The following ENTPD1 variants were observed in gnomAD, a reference collection of about 807,000 sequenced individuals.
The protein encoded by ENTPD1 is ectonucleoside triphosphate diphosphohydrolase 1.
Under a neutral mutation model 57.0 loss-of-function variants are expected in ENTPD1, and 33 were observed. That is an observed-to-expected ratio of 0.58 (90% CI 0.44 to 0.77). ENTPD1 has a LOEUF of 0.77. ENTPD1 is among the 30% of genes least tolerant of loss of function. The pLI is 0.00. For missense variants in ENTPD1, 501 were observed against 603.4 expected, an observed-to-expected ratio of 0.83 and a Z score of 1.78; for synonymous variants, 202 against 218.8, an observed-to-expected ratio of 0.92 and a Z score of 0.68.
intron 2 of ENTPD1, among the ~76,000 whole-genome samples, chr10:95,826,185 T>A (rs558387858): frequency 7.9e-5 from 12 of 151,954 alleles, no homozygotes; most frequent in Non-Finnish European, 1.6e-4. Context: ...CAAATGAAAG[T>A]TTTGGGGCCA....
rs72813799 is a variant in ENTPD1 at position 95,799,429 on chromosome 10, G to A, written c.17-23808G>A. On this transcript the variant is annotated intron_variant, in intron 1 of 9. Coordinates refer to ENST00000371205, the MANE Select transcript of ENTPD1 (RefSeq NM_001776.6). ...TTTGTTCCTGCATTAATTTACTAAG[G>A]ATAATGGCCTCCAGCTCCATGCCTG... Among the ~76,000 whole-genome samples, 12 of 152,226 alleles carry A rather than the reference G, an allele frequency of 7.9e-5. No individual in the cohort carries two copies. In the South Asian group the frequency reaches 1.7e-3, roughly 21 times the overall value.
Position 95,746,529 on chromosome 10 carries a change from G to A in ENTPD1, c.37+34536G>A, listed in dbSNP as rs961245439. Among the ~76,000 whole-genome samples the A allele has an allele frequency of 3.3e-5, 5 of 152,128 alleles. No individual in the cohort carries two copies. In the South Asian group the frequency reaches 8.3e-4, roughly 25 times the overall value. ...ATTCCAATCTCTGAGGGTTGGGATG[G>A]GCATTAGTATTTTTTATAATTGGGC... On this transcript the variant is annotated intron_variant, in intron 1 of 9. Coordinates refer to the ENTPD1 transcript ENST00000453258.
At position 95,867,495 on chromosome 10, in the gene ENTPD1, A is replaced by C; in HGVS notation, c.*1112A>C. 1 of 985,508 alleles carries C rather than the reference A, an allele frequency of 1.0e-6. No homozygotes were observed. The highest frequency in any genetic ancestry group is 1.2e-6 in the Non-Finnish European group (1 of 829,938). The allele number at this position is 985,508 out of a possible 1,614,324, so 61.0% of individuals were successfully genotyped here. A position where few individuals can be genotyped will look rare whatever the true frequency, so the allele number is the denominator to read the frequency against. On this transcript the variant is annotated 3_prime_UTR_variant, in exon 10 of 10. Transcript: ENST00000371205. ...TATTTTTCCAAGGTTTAATTTAGTG[A>C]GAGGGCAGCATTAGTGTGGAGTGGC...
upstream of ENTPD1, chr10:95,755,240 C>T (rs1320339377): frequency 6.3e-6 from 1 of 159,770 alleles, no homozygotes; most frequent in Non-Finnish European, 1.4e-5. Flanking sequence ...CTTAACCTCT[C>T]CACATCTCTA....
At chr10:95,711,282 A>T (rs902325960), upstream of ENTPD1, among the ~76,000 whole-genome samples, 2 of 152,200 alleles carry the variant, frequency 1.3e-5, no homozygotes, top group African/African-American at 4.8e-5. Context: ...AGACTGTTGA[A>T]TCCCATTGCA....
In ENTPD1 at chr10:95,847,646, C is replaced by T; in HGVS notation, c.1014C>T (p.Cys338=). Residue 338 remains cysteine (C), a synonymous_variant, in exon 7 of 10, where the codon TGC becomes TGT. Coordinates refer to ENST00000371205, the MANE Select transcript of ENTPD1 (RefSeq NM_001776.6). ...SILELFNTSY[C]PYSQCAFNGI... ...TGGAGCTCTTCAACACCAGTTACTG[C>T]CCTTACTCCCAGTGTGCCTTCAATG... 6.2e-7 allele frequency: 1 copy of T among 1,614,202 alleles called. No homozygotes were observed. Among genetic ancestry groups the T allele is most frequent in the Non-Finnish European group, 8.5e-7 (1 of 1,180,032 alleles).
chr10:95,763,326 C>A (rs2098074631), intron 1 of ENTPD1, among the ~76,000 whole-genome samples: 1 of 152,074 alleles, frequency 6.6e-6, no homozygotes, highest in African/African-American at 2.4e-5. Flanking sequence ...CATTTTTATT[C>A]TCTGTAGCCC....
intron 2 of ENTPD1, among the ~76,000 whole-genome samples, chr10:95,832,669 C>A (rs1432157427): frequency 4.6e-5 from 7 of 152,196 alleles, no homozygotes; most frequent in African/African-American, 2.4e-5. Flanking sequence ...AACGCTGCCT[C>A]TTCTGTGAAT....
chr10:95,726,752 A>T (rs962856177), intron 1 of ENTPD1, among the ~76,000 whole-genome samples: 9 of 152,050 alleles, frequency 5.9e-5, no homozygotes, highest in Admixed American at 3.9e-4. Flanking sequence ...GTTTTGGTGC[A>T]TTTTGGGGGG....
At chr10:95,764,541 C>T (rs1351675544) in intron 1 of ENTPD1, among the ~76,000 whole-genome samples, 4 of 152,086 alleles carry the variant, frequency 2.6e-5, no homozygotes, top group African/African-American at 7.2e-5. Flanking sequence ...CACATCCTTG[C>T]CAACACTTTT....
intron 1 of ENTPD1, among the ~76,000 whole-genome samples, chr10:95,727,949 T>A (rs1278220520): frequency 6.6e-6 from 1 of 152,194 alleles, no homozygotes; most frequent in Non-Finnish European, 1.5e-5. Context: ...ATTATCTAAG[T>A]TTATTATTAA....
At position 95,868,827 on chromosome 10, in the gene ENTPD1, T is replaced by G. The variant is rs986577206; in HGVS notation, c.*2444T>G. The G allele has an allele frequency of 5.1e-6, 5 of 985,346 alleles. No individual in the cohort carries two copies. Among genetic ancestry groups the G allele is most frequent in the Non-Finnish European group, 6.0e-6 (5 of 829,914 alleles). The allele number at this position is 985,346 out of a possible 1,614,324, so 61.0% of individuals were successfully genotyped here. A position where few individuals can be genotyped will look rare whatever the true frequency, so the allele number is the denominator to read the frequency against. On this transcript the variant is annotated 3_prime_UTR_variant, in exon 10 of 10. Coordinates refer to ENST00000371205, the MANE Select transcript of ENTPD1 (RefSeq NM_001776.6). ...TTTTCTTATTCCATTCCTGTTTGGT[T>G]GCCTACGTCCAATCTCCCCCTCCCC...
chr10:95,801,920 G>A (rs371427958), intron 1 of ENTPD1, among the ~76,000 whole-genome samples: 41 of 152,222 alleles, frequency 2.7e-4, no homozygotes, highest in African/African-American at 9.4e-4. Flanking sequence ...TGCTTTGGGC[G>A]GTATGGCCAT....
At chr10:95,743,734 G>A (rs1300671284) in intron 1 of ENTPD1, among the ~76,000 whole-genome samples, 1 of 151,302 alleles carries the variant, frequency 6.6e-6, no homozygotes, top group East Asian at 1.9e-4. Context: ...TGGCTCCTGT[G>A]TCACTTTGAC....
At chr10:95,798,792 C>T (rs207471287) in intron 1 of ENTPD1, among the ~76,000 whole-genome samples, 1 of 152,172 alleles carries the variant, frequency 6.6e-6, no homozygotes, top group African/African-American at 2.4e-5. Context: ...GGTAGAGACA[C>T]ATTTTCCTTC....
intron 1 of ENTPD1, chr10:95,785,290 C>T (rs558202394): frequency 6.6e-6 from 1 of 152,316 alleles, no homozygotes; most frequent in East Asian, 1.9e-4. Context: ...TTCAGATAAA[C>T]CTACCTTCCA....
chr10:95,777,038 T>G (rs2105359), intron 1 of ENTPD1, among the ~76,000 whole-genome samples: 25,363 of 152,148 alleles, frequency 0.17, 2,531 homozygotes, highest in African/African-American at 0.27. Context: ...TCTAATCGTT[T>G]TTCAAGGTTT....
chr10:95,738,488 C>T (rs2097996943), intron 1 of ENTPD1, among the ~76,000 whole-genome samples: 1 of 152,170 alleles, frequency 6.6e-6, no homozygotes, highest in Admixed American at 6.5e-5. Context: ...CATCATTTTC[C>T]TGCACCAAAG....
intron 1 of ENTPD1, among the ~76,000 whole-genome samples, chr10:95,728,303 A>C (rs765555995): frequency 8.8e-6 from 1 of 113,146 alleles, no homozygotes; most frequent in Non-Finnish European, 1.9e-5. Flanking sequence ...TTTTTATAAT[A>C]AAGTAAGCTA....
Sources: gnomAD v4.1 joint callset for allele counts (sites outside exome capture counted in the v4.1 genomes callset) on GRCh38, gnomAD v4.1.1 for gene constraint, MANE v1.5 for transcripts, NCBI Gene and HGNC (gene_info 2026-07-23, HGNC 2026-07-21) for gene names.